LYST: variants seen among roughly 807,000 people sequenced by gnomAD.
LYST encodes lysosomal-trafficking regulator.
LYST carries 192 observed loss-of-function variants against 413.6 expected under a neutral mutation model. The observed-to-expected ratio is 0.46, with a 90% CI of 0.41 to 0.52. LYST has a LOEUF of 0.52. LYST is among the 20% of genes least tolerant of loss of function. LYST has a pLI of 0.00. For missense variants in LYST, 3,815 were observed against 4,499.9 expected (o/e 0.85, Z 4.35); for synonymous variants, 1,525 against 1,567.3 (o/e 0.97, Z 0.64).
chr1:235,737,032 AAAAC>A (rs1368774388), intron 31 of LYST: 2 of 149,996 alleles, frequency 1.3e-5, no homozygotes, highest in African/African-American at 4.8e-5. Flanking sequence ...AAAAAACTAT[AAAAC>A]AAACTGGAAA....
At chr1:235,721,430 T>A (rs1465250713) in intron 39 of LYST, among the ~76,000 whole-genome samples, 1 of 152,132 alleles carries the variant, frequency 6.6e-6, no homozygotes, top group Non-Finnish European at 1.5e-5. Flanking sequence ...ATATATAAAC[T>A]CTTTTTTAGA....
At chr1:235,779,576 T>C (rs1225449564) in intron 16 of LYST, among the ~76,000 whole-genome samples, 1 of 152,154 alleles carries the variant, frequency 6.6e-6, no homozygotes, top group South Asian at 2.1e-4. Flanking sequence ...CCCAGCAATC[T>C]ATATTTTAAC....
chr1:235,781,044 C>A lies in LYST; in HGVS notation c.5035G>T (p.Gly1679Cys). 1.2e-6 allele frequency: 2 copies of A among 1,607,448 alleles called. No homozygotes were observed. Among genetic ancestry groups the A allele is most frequent in the East Asian group, 2.2e-5 (1 of 44,628 alleles). ...TACAGATAAAAGGCCTCTTGTGAAC[C>A]AACCTTAGCTCCTGAATAGCAGAAA... ...NLLLFNGAKV[G>C]SQEAFYLYAC... The change falls in exon 16 of 53, where the codon GGT (glycine) becomes TGT (cysteine). Residue 1679 changes from glycine (G) to cysteine (C), a missense_variant. Around this residue, in one of 4 missense-constraint regions of LYST, gnomAD observed 530 missense variants for 696.5 expected, o/e 0.76. Transcript: ENST00000389793.
chr1:235,704,149 T>C (rs928158105), intron 44 of LYST, among the ~76,000 whole-genome samples: 8 of 152,220 alleles, frequency 5.3e-5, no homozygotes, highest in African/African-American at 1.9e-4. Flanking sequence ...CTTTATCCAA[T>C]CTGTCATTGA....
intron 3 of LYST, 140 bp from the exon 4 acceptor site, chr1:235,813,201 C>A: frequency 1.5e-6 from 1 of 679,502 alleles, no homozygotes; most frequent in South Asian, 1.7e-5. Flanking sequence ...ATTAACCTAT[C>A]TTCAATCCAG....
chr1:235,879,393 G>A (rs1034265713), intron 1 of LYST, among the ~76,000 whole-genome samples: 8 of 152,186 alleles, frequency 5.3e-5, no homozygotes, highest in African/African-American at 1.4e-4. Context: ...GGGAGCATAT[G>A]GCGGGAATGG....
chr1:235,744,622 G>A (rs1036328220), intron 29 of LYST, among the ~76,000 whole-genome samples: 22 of 151,536 alleles, frequency 1.5e-4, no homozygotes, highest in African/African-American at 5.3e-4. Flanking sequence ...AAAAAATGCT[G>A]GGGACGATGG....
intron 1 of LYST, among the ~76,000 whole-genome samples, chr1:235,838,567 T>C (rs1373272228): frequency 6.6e-6 from 1 of 152,234 alleles, no homozygotes; most frequent in Non-Finnish European, 1.5e-5. Flanking sequence ...GGAAGTAACA[T>C]CAAGTTTACA....
At chr1:235,766,711 A>G (rs538297699) in intron 20 of LYST, among the ~76,000 whole-genome samples, 1 of 152,170 alleles carries the variant, frequency 6.6e-6, no homozygotes, top group Non-Finnish European at 1.5e-5. Context: ...ACTAAATAAC[A>G]TAAACTCTTA....
At chr1:235,776,479 A>G (rs183155723) in intron 17 of LYST, among the ~76,000 whole-genome samples, 183 of 152,310 alleles carry the variant, frequency 1.2e-3, no homozygotes, top group African/African-American at 4.3e-3. Flanking sequence ...ATGTGGATCC[A>G]GAGGAAGTAG....
intron 20 of LYST, among the ~76,000 whole-genome samples, chr1:235,767,071 A>T (rs568608285): frequency 2.6e-5 from 4 of 152,094 alleles, no homozygotes; most frequent in African/African-American, 9.7e-5. Context: ...CTACTGCACC[A>T]TTTACTGTCT....
chr1:235,724,300 T>A, intron 38 of LYST, 120 bp from the exon 39 acceptor site: 2 of 800,374 alleles, frequency 2.5e-6, no homozygotes, highest in Non-Finnish European at 4.0e-6. Context: ...AGATGGCAGA[T>A]AAGATTACCT....
intron 25 of LYST, 80 bp downstream of exon 25, chr1:235,755,398 G>GAAAAGAAAAT: frequency 9.8e-7 from 1 of 1,021,380 alleles, no homozygotes; most frequent in Non-Finnish European, 1.4e-6. Context: ...CAAAAGAAAA[G>GAAAAGAAAAT]AAAAGAAAAG....
chr1:235,861,352 C>T (rs1020608474), intron 1 of LYST, among the ~76,000 whole-genome samples: 31 of 152,126 alleles, frequency 2.0e-4, no homozygotes, highest in Admixed American at 5.2e-4. Flanking sequence ...AGCAGTTAGA[C>T]CTGGAAAGCC....
chr1:235,876,055 T>G (rs1217598857), intron 1 of LYST, among the ~76,000 whole-genome samples: 1 of 151,846 alleles, frequency 6.6e-6, no homozygotes, highest in Non-Finnish European at 1.5e-5. Context: ...AAACCCCATC[T>G]CTACTAAAAA....
intron 48 of LYST, among the ~76,000 whole-genome samples, chr1:235,682,299 T>C (rs1302241815): frequency 1.3e-5 from 2 of 152,118 alleles, no homozygotes; most frequent in African/African-American, 2.4e-5. Flanking sequence ...TACTCCAGCA[T>C]GGGCAAAAGG....
intron 10 of LYST, among the ~76,000 whole-genome samples, chr1:235,797,515 G>T (rs933748142): frequency 2.6e-5 from 4 of 152,080 alleles, no homozygotes; most frequent in African/African-American, 9.7e-5. Context: ...ACCATTCAAT[G>T]GGGGAGGGAC....
At chr1:235,866,794 G>C (rs1335612127) in intron 1 of LYST, 49 bp downstream of exon 1, 1 of 152,414 alleles carries the variant, frequency 6.6e-6, no homozygotes, top group Non-Finnish European at 1.5e-5. Flanking sequence ...GAGGGGCCGG[G>C]ACCCGGAACC....
At chr1:235,786,808 CA>C (rs1483574522) in intron 14 of LYST, among the ~76,000 whole-genome samples, 1 of 148,738 alleles carries the variant, frequency 6.7e-6, no homozygotes, top group Non-Finnish European at 1.5e-5. Flanking sequence ...GACAAAAAAC[CA>C]AACACCGCAT....
Sources: gnomAD v4.1 joint callset for allele counts (sites outside exome capture counted in the v4.1 genomes callset) on GRCh38, gnomAD v4.1.1 for gene constraint, gnomAD v4.1.1 regional missense constraint, MANE v1.5 for transcripts, NCBI Gene and HGNC (gene_info 2026-07-23, HGNC 2026-07-21) for gene names.